Variants in NDUFV1 observed in about 807,000 individuals in gnomAD.
The protein encoded by NDUFV1 is NADH dehydrogenase [ubiquinone] flavoprotein 1, mitochondrial.
In NDUFV1, 41 loss-of-function variants were observed where a neutral mutation model predicts 48.7. The observed-to-expected ratio is 0.84, with a 90% CI of 0.66 to 1.09. The LOEUF is 1.09. NDUFV1 is among the 50% of genes least tolerant of loss of function. The probability of loss-of-function intolerance (pLI) is 0.00; values close to 1 mark genes in which losing one functional copy is unlikely to be tolerated. For synonymous variants in NDUFV1, 231 were observed against 259.1 expected (o/e 0.89, Z 1.04); for missense variants, 580 against 645.4 (o/e 0.90, Z 1.10).
At chr11:67,607,265 A>AC (rs1202842016) in intron 1 of NDUFV1, 189 bp downstream of exon 1, 1 of 733,976 alleles carries the variant, frequency 1.4e-6, no homozygotes, top group Admixed American at 2.0e-5. Flanking sequence ...GACTCCCTTG[A>AC]CCCTCTGACT....
intron 4 of NDUFV1, chr11:67,610,094 CTT>C (rs1565225111): frequency 1.8e-5 from 8 of 446,992 alleles, no homozygotes; most frequent in Non-Finnish European, 3.2e-5. Flanking sequence ...TTTATAAGGA[CTT>C]TTATTTTTCC....
rs778508675 is a variant in NDUFV1 at position 67,608,722 on chromosome 11, G to GGT, written c.326+10_326+11dup. 17 of 1,613,640 alleles carry GGT rather than the reference G, an allele frequency of 1.1e-5. No individual in the cohort carries two copies. In the East Asian group the frequency reaches 1.6e-4, roughly 15 times the overall value. On this transcript the variant is annotated frameshift_variant and splice_region_variant. Transcript: ENST00000322776. LOFTEE classifies it high-confidence loss of function. ...TTCATGAATAAGCCCTCAGATGGCAGGTGTGTGTGTGGGGGCGGGGCAGAT... is the reference window on the plus strand; with the variant it reads ...TTCATGAATAAGCCCTCAGATGGCAGGTGTGTGTGTGTGGGGGCGGGGCAGAT...
chr11:67,609,640 G>T lies in NDUFV1; in HGVS notation c.510+5G>T, dbSNP rs1854876954. 6.2e-7 allele frequency: 1 copy of T among 1,602,182 alleles called. No individual in the cohort carries two copies. The highest frequency in any genetic ancestry group is 8.5e-7 in the Non-Finnish European group (1 of 1,179,910). On this transcript the variant is annotated splice_donor_5th_base_variant and intron_variant, in intron 4 of 9. Coordinates refer to ENST00000322776, the MANE Select transcript of NDUFV1 (RefSeq NM_007103.4). ...AATGAGGCCTCCAATCTGCAGGTGG[G>T]TAGGGAGAGATGTAGACAGATGAGA...
chr11:67,612,229 T>A lies in NDUFV1; in HGVS notation c.1272T>A (p.Ile424=). ...EISKQIEGHT[I]CALGDGAAWP... ...GCAAGCAGATAGAAGGCCATACGAT[T>A]TGTGCTCTGGGTGACGGGGCCGCCT... Residue 424 remains isoleucine (I), a synonymous_variant, in exon 9 of 10, where the codon ATT becomes ATA. Coordinates refer to ENST00000322776, the MANE Select transcript of NDUFV1 (RefSeq NM_007103.4). The surrounding 1 kb of genome is among the most constrained non-coding windows in gnomAD (Gnocchi z 4.4). The A allele has an allele frequency of 6.2e-7, 1 of 1,613,582 alleles. No homozygotes were observed. The highest frequency in any genetic ancestry group is 8.5e-7 in the Non-Finnish European group (1 of 1,179,876).
In NDUFV1 at chr11:67,609,566, G is replaced by A. The variant is rs1314268088; in HGVS notation, c.441G>A (p.Arg147=). 3 of 1,612,562 alleles carry A rather than the reference G, an allele frequency of 1.9e-6. No individual in the cohort carries two copies. The highest frequency in any genetic ancestry group is 2.5e-6 in the Non-Finnish European group (3 of 1,179,894). ...TGGAAGGCTGCCTGGTGGGGGGCCG[G>A]GCCATGGGCGCCCGCGCTGCCTATA... is the stretch of plus-strand genomic sequence containing the variant. The part of the protein sequence containing the change: ...KLLEGCLVGG[R]AMGARAAYIY... The change falls in exon 4 of 10, where the codon CGG becomes CGA. Residue 147 remains arginine, a synonymous_variant. Coordinates refer to ENST00000322776, the MANE Select transcript of NDUFV1 (RefSeq NM_007103.4).
In NDUFV1 at chr11:67,611,081, G is replaced by C. The variant is rs1854904647; in HGVS notation, c.787G>C (p.Ala263Pro). ...TICRRGGTWF[A>P]GFGRERNSGT... is the part of the protein sequence containing the mutation. The stretch of plus-strand genomic sequence containing the variant: ...CTGCCGCCGTGGAGGTACCTGGTTT[G>C]CTGGCTTTGGCAGAGAACGCAACTC... Residue 263 changes from alanine to proline, a missense_variant, in exon 6 of 10, where the codon GCT (alanine) becomes CCT (proline). Coordinates refer to ENST00000322776, the MANE Select transcript of NDUFV1 (RefSeq NM_007103.4). The surrounding 1 kb of genome is among the most constrained non-coding windows in gnomAD (Gnocchi z 4.2). 1 of 1,614,128 alleles carries C rather than the reference G, an allele frequency of 6.2e-7. No individual in the cohort carries two copies. The highest frequency in any genetic ancestry group is 1.7e-5 in the Admixed American group (1 of 60,010).
At position 67,608,713 on chromosome 11, in the gene NDUFV1, C is replaced by G. The variant is rs1299538668; in HGVS notation, c.317C>G (p.Ser106Ter). The G allele has an allele frequency of 6.2e-7, 1 of 1,613,784 alleles. No homozygotes were observed. Among genetic ancestry groups the G allele is most frequent in the African/African-American group, 1.3e-5 (1 of 74,908 alleles). Residue 106 changes from serine (S) to a stop codon, truncating the protein, a stop_gained, in exon 3 of 10, where the codon TCA (serine) becomes TGA (stop). Transcript: ENST00000322776. LOFTEE classifies it high-confidence loss of function. ...AAGTGGAGCTTCATGAATAAGCCCT[C>G]AGATGGCAGGTGTGTGTGTGGGGGC... Reference protein sequence around the residue: ...GLKWSFMNKPSDGRPKYLVVN... With the variant: ...GLKWSFMNKP
intron 1 of NDUFV1, 138 bp downstream of exon 1, chr11:67,607,214 C>T: frequency 1.0e-6 from 1 of 999,172 alleles, no homozygotes. Flanking sequence ...GCCCCCGCTC[C>T]GGCCTGGTTG....
Position 67,608,593 on chromosome 11 carries a change from A to C in NDUFV1, c.197A>C (p.Lys66Thr), listed in dbSNP as rs1423473495. ...SLSRGDWYKTKEILLKGPDWI... is the reference protein window; with the variant it reads ...SLSRGDWYKTTEILLKGPDWI... ...AGTCGAGGTGACTGGTACAAGACAAAGGAGATCCTGCTGAAGGGGCCCGAC... is the reference window on the plus strand; with the variant it reads ...AGTCGAGGTGACTGGTACAAGACAACGGAGATCCTGCTGAAGGGGCCCGAC... Residue 66 changes from lysine (K) to threonine (T), a missense_variant, in exon 3 of 10, where the codon AAG becomes ACG. By Grantham distance (78) the Lys-to-Thr change is moderately conservative. Coordinates refer to ENST00000322776, the MANE Select transcript of NDUFV1 (RefSeq NM_007103.4). The C allele has an allele frequency of 1.9e-6, 3 of 1,614,164 alleles. No homozygotes were observed. In the East Asian group the frequency reaches 6.7e-5, roughly 36 times the overall value.
At chr11:67,610,867 A>T (rs1003937765) in intron 5 of NDUFV1, 128 bp from the exon 6 acceptor site, 6 of 931,058 alleles carry the variant, frequency 6.4e-6, no homozygotes, top group Non-Finnish European at 1.0e-5. Flanking sequence ...TCCAGCAGGG[A>T]TAAGAATGAT....
intron 1 of NDUFV1, chr11:67,607,414 C>T (rs528060874): frequency 5.7e-6 from 3 of 529,754 alleles, no homozygotes; most frequent in Admixed American, 2.2e-5. Context: ...ATGCGCACCT[C>T]CTGATTTCCC....
chr11:67,608,257 G>A, intron 1 of NDUFV1, 139 bp from the exon 2 acceptor site: 1 of 786,564 alleles, frequency 1.3e-6, no homozygotes, highest in East Asian at 2.4e-5. Context: ...AAGTGGCAGT[G>A]GTATCTATGA....
chr11:67,607,186 C>T, intron 1 of NDUFV1, 110 bp downstream of exon 1: 2 of 1,264,396 alleles, frequency 1.6e-6, no homozygotes, highest in Admixed American at 2.0e-5. Context: ...AGCCCTTCTC[C>T]CCAGGCCAGG....
intron 4 of NDUFV1, 190 bp downstream of exon 4, chr11:67,609,825 C>A: frequency 1.7e-6 from 1 of 582,034 alleles, no homozygotes; most frequent in Non-Finnish European, 2.9e-6. Flanking sequence ...GCTCCTAATG[C>A]TGCTGGTGTA....
At chr11:67,607,714 G>A in intron 1 of NDUFV1, 1 of 346,710 alleles carries the variant, frequency 2.9e-6, no homozygotes, top group South Asian at 2.1e-5. Context: ...TTGTGGGGCT[G>A]TGTGGTGCCG....
In NDUFV1 at chr11:67,612,216, A is replaced by G; in HGVS notation, c.1259A>G (p.Glu420Gly). Residue 420 changes from glutamate to glycine, a missense_variant, in exon 9 of 10, where the codon GAA becomes GGA. By Grantham distance (98) the Glu-to-Gly change is moderately conservative. Transcript: ENST00000322776. The surrounding 1 kb of genome is among the most constrained non-coding windows in gnomAD (Gnocchi z 4.4). ...DSLWEISKQI[E>G]GHTICALGDG... ...CTGTGGGAGATCAGCAAGCAGATAG[A>G]AGGCCATACGATTTGTGCTCTGGGT... 1.2e-6 allele frequency: 2 copies of G among 1,613,464 alleles called. No homozygotes were observed. The highest frequency in any genetic ancestry group is 1.1e-5 in the South Asian group (1 of 91,044).
In NDUFV1 at chr11:67,611,986, TCG is replaced by T. The variant is rs1565226094; in HGVS notation, c.1162+9_1162+10del. 6.2e-7 allele frequency: 1 copy of T among 1,613,728 alleles called. No homozygotes were observed. ...GTACCCCATGCCGTGAGGGTGAGCA[TCG>T]GGCAGGTTGGGGGCTTGCTTGCTGT... is the stretch of plus-strand genomic sequence containing the variant. On this transcript the variant is annotated intron_variant, in intron 8 of 9. Transcript: ENST00000322776. This position sits in a 1 kb window ranked among gnomAD's most constrained non-coding sequence, Gnocchi z 4.2.
intron 4 of NDUFV1, chr11:67,610,139 G>A: frequency 1.8e-6 from 1 of 568,766 alleles, no homozygotes; most frequent in Admixed American, 3.1e-5. Context: ...AGACCTGATA[G>A]TAGCTACTTC....
intron 4 of NDUFV1, chr11:67,610,153 T>G: frequency 1.7e-6 from 1 of 582,268 alleles, no homozygotes; most frequent in Non-Finnish European, 3.0e-6. Flanking sequence ...CTACTTCGTT[T>G]TTATTTTCCT....
Sources: allele counts gnomAD v4.1 joint callset, GRCh38; gene constraint gnomAD v4.1.1; non-coding constraint Gnocchi (gnomAD v3.1); transcripts MANE v1.5; gene names NCBI Gene and HGNC (gene_info 2026-07-23, HGNC 2026-07-21).